The following ADCY7 variants were observed in gnomAD, a reference collection of about 807,000 sequenced individuals.
The protein encoded by ADCY7 is adenylate cyclase 7.
Under a neutral mutation model 120.6 loss-of-function variants are expected in ADCY7, and 72 were observed. The ratio of observed to expected loss-of-function variants is 0.60; its 90% confidence interval spans 0.49 to 0.73. The LOEUF is 0.73. Among genes scored for constraint, ADCY7 ranks in the 30% least tolerant of loss-of-function variants. ADCY7 has a pLI of 0.00. For synonymous variants in ADCY7, 661 were observed against 628.0 expected, an observed-to-expected ratio of 1.05 and a Z score of -0.78; for missense variants, 1,227 against 1,486.0, an observed-to-expected ratio of 0.83 and a Z score of 2.87.
intron 20 of ADCY7, 41 bp from the exon 21 acceptor site, chr16:50,311,995 C>T: frequency 6.2e-7 from 1 of 1,611,030 alleles, no homozygotes; most frequent in South Asian, 1.1e-5. Context: ...ACGGCTCCCA[C>T]TTGCCTGTGG....
chr16:50,305,220 G>A (rs2035980300), intron 12 of ADCY7, among the ~76,000 whole-genome samples: 1 of 152,240 alleles, frequency 6.6e-6, no homozygotes, highest in African/African-American at 2.4e-5. Flanking sequence ...GGAGATGACT[G>A]TGGGTGTCCT....
chr16:50,291,963 C>G (rs964318181), intron 4 of ADCY7, 66 bp downstream of exon 4: 41 of 1,512,978 alleles, frequency 2.7e-5, no homozygotes, highest in Non-Finnish European at 3.5e-5. Flanking sequence ...GATGGGGGGG[C>G]CCCCTCTGGG....
intron 1 of ADCY7, among the ~76,000 whole-genome samples, chr16:50,255,402 G>GAAAAAAAAAAAAAAAAAAAA (rs60335173): frequency 9.2e-6 from 1 of 108,140 alleles, no homozygotes; most frequent in African/African-American, 3.7e-5. Context: ...TCTGTTTCTG[G>GAAAAAAAAAAAAAAAAAAAA]AAAAAAAAAA....
intron 1 of ADCY7, among the ~76,000 whole-genome samples, chr16:50,286,180 C>T (rs951897080): frequency 4.6e-5 from 7 of 151,618 alleles, no homozygotes; most frequent in Admixed American, 2.0e-4. Flanking sequence ...ATTGCTTGAG[C>T]TTAGGAGTTC....
chr16:50,256,189 G>A (rs544407949), intron 1 of ADCY7, among the ~76,000 whole-genome samples: 3 of 152,250 alleles, frequency 2.0e-5, no homozygotes, highest in Admixed American at 1.3e-4. Flanking sequence ...CTGAAAAGAA[G>A]TTAATATCCA....
chr16:50,279,917 G>A (rs529589307), intron 1 of ADCY7, among the ~76,000 whole-genome samples: 1 of 152,040 alleles, frequency 6.6e-6, no homozygotes, highest in African/African-American at 2.4e-5. Flanking sequence ...TTTTTGTTGT[G>A]TCTCTGGCAG....
intron 1 of ADCY7, among the ~76,000 whole-genome samples, chr16:50,274,398 C>T (rs1177156412): frequency 2.6e-5 from 3 of 114,026 alleles, no homozygotes; most frequent in East Asian, 2.9e-4. Flanking sequence ...ACAGCCATGG[C>T]GAGGGCTCTT....
chr16:50,290,384 C>A, intron 2 of ADCY7, 73 bp from the exon 3 acceptor site: 3 of 1,552,494 alleles, frequency 1.9e-6, no homozygotes, highest in Non-Finnish European at 2.6e-6. Context: ...GCAGCCGGCC[C>A]GGCAGGCTTT....
In ADCY7 at chr16:50,307,165, GTGT is replaced by G. The variant is rs1567574664; in HGVS notation, c.1850+19_1850+21del. 1 of 1,607,262 alleles carries G rather than the reference GTGT, an allele frequency of 6.2e-7. No individual in the cohort carries two copies. The highest frequency in any genetic ancestry group is 1.7e-5 in the Admixed American group (1 of 59,922). Reference sequence around the variant, plus strand: ...ATGCCCAGGTCAGTTGCAGGGAGGGGTGTGGGGGTCCGGCCTGCTGGGATCCAG... The same window carrying G: ...ATGCCCAGGTCAGTTGCAGGGAGGGGGGGGGTCCGGCCTGCTGGGATCCAG... On this transcript the variant is annotated intron_variant, in intron 15 of 25. Transcript: ENST00000673801.
Position 50,314,360 on chromosome 16 carries a change from G to C in ADCY7, c.2925G>C (p.Leu975=). ...TCAGCATCGCCCTGATGAGTAAGCT[G>C]GACGGCATCAACAGGCACTCCTTCA... ...VEFSIALMSK[L]DGINRHSFNS... Residue 975 remains leucine, a synonymous_variant, in exon 24 of 26, where the codon CTG becomes CTC. Coordinates refer to ENST00000673801, the MANE Select transcript of ADCY7 (RefSeq NM_001114.5). 1 of 1,614,170 alleles carries C rather than the reference G, an allele frequency of 6.2e-7. No individual in the cohort carries two copies. The highest frequency in any genetic ancestry group is 1.7e-5 in the Admixed American group (1 of 60,036).
intron 8 of ADCY7, 47 bp from the exon 9 acceptor site, chr16:50,300,668 T>C: frequency 6.5e-7 from 1 of 1,546,832 alleles, no homozygotes; most frequent in Non-Finnish European, 8.7e-7. Context: ...CTTCAGCCTG[T>C]CCCAGGGCTT....
chr16:50,313,137 A>G, intron 22 of ADCY7, 101 bp downstream of exon 22: 1 of 1,496,700 alleles, frequency 6.7e-7, no homozygotes, highest in Non-Finnish European at 9.0e-7. Flanking sequence ...AAAATGTGAC[A>G]CAGAGCTGGG....
chr16:50,259,211 A>G (rs1006180922), intron 1 of ADCY7, among the ~76,000 whole-genome samples: 7 of 152,224 alleles, frequency 4.6e-5, no homozygotes, highest in Admixed American at 4.6e-4. Context: ...GCAAAAAAAT[A>G]CAGGCATCCC....
At chr16:50,308,009 A>C (rs1043651125) in intron 15 of ADCY7, among the ~76,000 whole-genome samples, 3 of 151,998 alleles carry the variant, frequency 2.0e-5, no homozygotes, top group South Asian at 2.1e-4. Context: ...AAAAAAAAAA[A>C]AAAAAAACGA....
In ADCY7 at chr16:50,300,769, G is replaced by A. The variant is rs774288601; in HGVS notation, c.1131G>A (p.Ser377=). The change falls in exon 9 of 26, where the codon TCG becomes TCA. Residue 377 remains serine (S), a synonymous_variant. Transcript: ENST00000673801. ...TCAACATGCGTGTGGGCATACACTC[G>A]GGGAATGTGCTGTGCGGGGTCATCG... ...VDINMRVGIH[S]GNVLCGVIGL... The A allele has an allele frequency of 1.0e-5, 16 of 1,552,922 alleles. No individual in the cohort carries two copies. The East Asian group carries it at 1.7e-4, about 17-fold the overall frequency.
intron 1 of ADCY7, among the ~76,000 whole-genome samples, chr16:50,255,434 A>G (rs971615229): frequency 3.4e-5 from 5 of 148,924 alleles, no homozygotes; most frequent in African/African-American, 1.2e-4. Flanking sequence ...CGTATCAACC[A>G]ATGGAACAGG....
intron 5 of ADCY7, 112 bp downstream of exon 5, chr16:50,292,937 T>C: frequency 7.2e-7 from 1 of 1,395,678 alleles, no homozygotes; most frequent in Non-Finnish European, 9.8e-7. Flanking sequence ...CAGACACCCA[T>C]GCAGGTCTCA....
upstream of ADCY7, among the ~76,000 whole-genome samples, chr16:50,262,115 G>A (rs1455083876): frequency 1.3e-5 from 2 of 152,142 alleles, no homozygotes; most frequent in Non-Finnish European, 2.9e-5. Context: ...TGTCTGCTTC[G>A]TTTTGGCTGC....
intron 1 of ADCY7, among the ~76,000 whole-genome samples, chr16:50,284,804 C>A (rs978070173): frequency 2.0e-5 from 3 of 152,372 alleles, no homozygotes; most frequent in Non-Finnish European, 4.4e-5. Flanking sequence ...TCTTAGGCAA[C>A]CACTCTGCCT....
Sources: allele counts gnomAD v4.1 joint callset (sites outside exome capture counted in the v4.1 genomes callset), GRCh38; gene constraint gnomAD v4.1.1; transcripts MANE v1.5; gene names NCBI Gene and HGNC (gene_info 2026-07-23, HGNC 2026-07-21).